Variants in ATP2B2 observed in about 807,000 individuals in gnomAD.
ATP2B2 encodes ATPase plasma membrane Ca2+ transporting 2, also known as plasma membrane calcium-transporting ATPase 2.
In ATP2B2, 15 loss-of-function variants were observed where a neutral mutation model predicts 120.0. That is an observed-to-expected ratio of 0.12 (90% CI 0.08 to 0.19). ATP2B2 has a LOEUF of 0.19. Ranked by LOEUF, ATP2B2 falls within the 10% of genes least tolerant of loss-of-function variation. The pLI is 1.00. For missense variants in ATP2B2, 1,045 were observed against 1,719.8 expected, an observed-to-expected ratio of 0.61 and a Z score of 6.94; for synonymous variants, 694 against 700.3, an observed-to-expected ratio of 0.99 and a Z score of 0.14.
intron 2 of ATP2B2, among the ~76,000 whole-genome samples, chr3:10,443,330 T>C (rs2063729695): frequency 6.6e-6 from 1 of 152,030 alleles, no homozygotes; most frequent in Admixed American, 6.5e-5. Context: ...TCCAATCTCC[T>C]TGGGGTCTTG....
chr3:10,443,354 T>A (rs1183108297), intron 2 of ATP2B2, among the ~76,000 whole-genome samples: 2 of 152,090 alleles, frequency 1.3e-5, no homozygotes, highest in African/African-American at 4.8e-5. Context: ...GACTGACCCG[T>A]GCCCTCTGGT....
At chr3:10,588,545 A>G (rs1324669889) in intron 2 of ATP2B2, among the ~76,000 whole-genome samples, 2 of 152,144 alleles carry the variant, frequency 1.3e-5, no homozygotes, top group Non-Finnish European at 2.9e-5. Flanking sequence ...AAACAAGAGC[A>G]CATCACCTCC....
rs2071892099 is a variant in ATP2B2, at chr3:10,706,107, AG to A, written c.-460+1807del. Among the ~76,000 whole-genome samples, 4 of 152,310 alleles carry A rather than the reference AG, an allele frequency of 2.6e-5. No homozygotes were observed. The South Asian group carries it at 8.3e-4, about 32-fold the overall frequency. On this transcript the variant is annotated intron_variant, in intron 1 of 21. Transcript: ENST00000646379. ...ACCTGGTAGGAGCTTGATTTCCGCT[AG>A]CTGTGGTTGATCTCTCTGTATTTCT...
intron 1 of ATP2B2, among the ~76,000 whole-genome samples, chr3:10,672,139 G>C (rs896220194): frequency 2.6e-5 from 4 of 152,152 alleles, no homozygotes; most frequent in Non-Finnish European, 5.9e-5. Context: ...GAGATAATAC[G>C]CCTCCACTGG....
rs142155274 is a variant in ATP2B2 at position 10,688,680 on chromosome 3, G to A, written c.-460+19235C>T. On this transcript the variant is annotated intron_variant, in intron 1 of 21. Coordinates refer to the ATP2B2 transcript ENST00000646379. ...AGTGGTGTGATGTCTCCTGCGCCAG[G>A]CCTCCTATGGCCAGCGGATGCAGCC... Among the ~76,000 whole-genome samples the A allele has an allele frequency of 2.4e-4, 36 of 152,246 alleles. 1 individual carries two copies. The highest frequency in any genetic ancestry group is 8.4e-4 in the African/African-American group (35 of 41,550).
At chr3:10,600,945 G>A (rs1357508608) in intron 2 of ATP2B2, among the ~76,000 whole-genome samples, 1 of 152,168 alleles carries the variant, frequency 6.6e-6, no homozygotes, top group African/African-American at 2.4e-5. Flanking sequence ...CTGGGAAAGA[G>A]GTCGGGTGTA....
intron 2 of ATP2B2, among the ~76,000 whole-genome samples, chr3:10,601,350 C>T (rs2068914850): frequency 1.3e-5 from 2 of 152,146 alleles, no homozygotes; most frequent in African/African-American, 4.8e-5. Flanking sequence ...GTCCCTGGGA[C>T]AGGCTCCAAT....
rs148910935 is a variant in ATP2B2 at position 10,684,573 on chromosome 3, C to T, written c.-460+23342G>A. 2.8e-4 allele frequency among the ~76,000 whole-genome samples: 43 copies of T among 152,344 alleles called. No homozygotes were observed. In the East Asian group the frequency reaches 7.5e-3, roughly 27 times the overall value. On this transcript the variant is annotated intron_variant, in intron 1 of 21. Transcript: ENST00000646379. ...AACAATTATCTATTTAGTAGCCACTCCAGGCCTGCCACTGATATGCTATCT... is the reference window on the plus strand; with the variant it reads ...AACAATTATCTATTTAGTAGCCACTTCAGGCCTGCCACTGATATGCTATCT...
At chr3:10,337,460 C>T (rs2060149313) in intron 22 of ATP2B2, among the ~76,000 whole-genome samples, 2 of 152,178 alleles carry the variant, frequency 1.3e-5, no homozygotes, top group Non-Finnish European at 1.5e-5. Flanking sequence ...ACAACACCTG[C>T]TCCAGGCATA....
intron 1 of ATP2B2, among the ~76,000 whole-genome samples, chr3:10,679,839 A>G (rs1005195624): frequency 6.6e-6 from 1 of 152,198 alleles, no homozygotes; most frequent in Non-Finnish European, 1.5e-5. Context: ...TGGTAAACCC[A>G]ATGCAGGATT....
intron 1 of ATP2B2, among the ~76,000 whole-genome samples, chr3:10,502,857 A>G (rs1450070941): frequency 6.6e-6 from 1 of 152,214 alleles, no homozygotes; most frequent in Non-Finnish European, 1.5e-5. Flanking sequence ...CGAAGGGTCA[A>G]AGAGGGTAGT....
chr3:10,672,947 C>A (rs558984104), intron 1 of ATP2B2, among the ~76,000 whole-genome samples: 2 of 152,314 alleles, frequency 1.3e-5, no homozygotes, highest in South Asian at 4.2e-4. Context: ...TCAGAGAACA[C>A]CCGCTGTGAC....
chr3:10,635,995 C>A lies in ATP2B2; in HGVS notation c.-459-16034G>T, dbSNP rs1359695901. Among the ~76,000 whole-genome samples the A allele has an allele frequency of 6.6e-6, 1 of 152,192 alleles. No homozygotes were observed. Among genetic ancestry groups the A allele is most frequent in the Non-Finnish European group, 1.5e-5 (1 of 68,026 alleles). ...GGGCCCTAAATTCTGCACAAGTGCT[C>A]AGGGATGCAAACTCTGCCATTTGGC... On this transcript the variant is annotated intron_variant, in intron 1 of 21. Coordinates refer to the ATP2B2 transcript ENST00000646379. The surrounding 1 kb of genome is among the most constrained non-coding windows in gnomAD (Gnocchi z 4.3).
chr3:10,362,291 C>A (rs1019051314), intron 12 of ATP2B2, among the ~76,000 whole-genome samples: 8 of 152,356 alleles, frequency 5.3e-5, no homozygotes, highest in African/African-American at 1.9e-4. Flanking sequence ...CATGGACTGG[C>A]TGTGCAGGGA....
rs1222868536 is a variant in ATP2B2 at position 10,635,831 on chromosome 3, C to T, written c.-459-15870G>A. 6.6e-6 allele frequency among the ~76,000 whole-genome samples: 1 copy of T among 152,180 alleles called. No homozygotes were observed. The highest frequency in any genetic ancestry group is 1.5e-5 in the Non-Finnish European group (1 of 68,040). On this transcript the variant is annotated intron_variant, in intron 1 of 21. Coordinates refer to the ATP2B2 transcript ENST00000646379. The surrounding 1 kb of genome is among the most constrained non-coding windows in gnomAD (Gnocchi z 4.3). ...GGGTATTTCATAAAGCACTCCCTGGCCTTAGCTCAAAGAGATTCCTGCTGG... is the reference window on the plus strand; with the variant it reads ...GGGTATTTCATAAAGCACTCCCTGGTCTTAGCTCAAAGAGATTCCTGCTGG...
At chr3:10,519,070 A>C (rs1421586243) in intron 3 of ATP2B2, among the ~76,000 whole-genome samples, 1 of 152,264 alleles carries the variant, frequency 6.6e-6, no homozygotes. Context: ...CAACAACCCC[A>C]CAAGGGACAT....
At chr3:10,339,197 G>C (rs954031436) in intron 21 of ATP2B2, among the ~76,000 whole-genome samples, 1 of 152,232 alleles carries the variant, frequency 6.6e-6, no homozygotes, top group Non-Finnish European at 1.5e-5. Context: ...CCTCCTGTAG[G>C]GGGTGGGCCC....
intron 8 of ATP2B2, among the ~76,000 whole-genome samples, chr3:10,383,477 G>C (rs548347057): frequency 1.4e-4 from 21 of 152,284 alleles, no homozygotes; most frequent in Admixed American, 4.6e-4. Context: ...TCCTTTTCTT[G>C]GGGTAAAGCC....
At chr3:10,386,434 C>T (rs1490971686) in intron 7 of ATP2B2, 46 bp downstream of exon 7, 1 of 1,601,498 alleles carries the variant, frequency 6.2e-7, no homozygotes, top group Admixed American at 1.7e-5. Flanking sequence ...CCAAAGCCTG[C>T]TGCTATTTCT....
Sources: allele counts gnomAD v4.1 joint callset (sites outside exome capture counted in the v4.1 genomes callset), GRCh38; gene constraint gnomAD v4.1.1; non-coding constraint Gnocchi (gnomAD v3.1); transcripts MANE v1.5; gene names NCBI Gene and HGNC (gene_info 2026-07-23, HGNC 2026-07-21).